HCN1: variants seen among roughly 807,000 people sequenced by gnomAD.
HCN1 encodes hyperpolarization activated cyclic nucleotide gated potassium channel 1.
Under a neutral mutation model 78.9 loss-of-function variants are expected in HCN1, and 13 were observed. The observed-to-expected ratio is 0.16, with a 90% CI of 0.11 to 0.26. The LOEUF is 0.26. Ranked by LOEUF, HCN1 falls within the 10% of genes least tolerant of loss-of-function variation. The pLI is 1.00. For missense variants in HCN1, 810 were observed against 1,154.3 expected, an observed-to-expected ratio of 0.70 and a Z score of 4.32; for synonymous variants, 552 against 455.5, an observed-to-expected ratio of 1.21 and a Z score of -2.70.
intron 5 of HCN1, among the ~76,000 whole-genome samples, chr5:45,332,110 A>G (rs116766741): frequency 0.031 from 4,741 of 151,458 alleles, 105 homozygotes; most frequent in Non-Finnish European, 0.043. Flanking sequence ...TAAAATTTCT[A>G]TTTAGCTCAG....
rs1304441838 is a variant in HCN1 at position 45,375,121 on chromosome 5, T to G, written c.1230+21371A>C. 8.2e-5 allele frequency among the ~76,000 whole-genome samples: 10 copies of G among 121,390 alleles called. No individual in the cohort carries two copies. The East Asian group carries it at 2.1e-3, about 26-fold the overall frequency. 79.6% of individuals were successfully genotyped at this position (121,390 alleles called of 152,430 possible). On this transcript the variant is annotated intron_variant, in intron 4 of 7. Transcript: ENST00000303230. The stretch of plus-strand genomic sequence containing the variant: ...TAATATTTTATAATATATAATATAT[T>G]ATATATAATATATTTTATAATATAT...
intron 2 of HCN1, among the ~76,000 whole-genome samples, chr5:45,621,302 C>T (rs1745056329): frequency 6.7e-6 from 1 of 149,072 alleles, no homozygotes; most frequent in South Asian, 2.1e-4. Flanking sequence ...TTAGGTAATT[C>T]TCATAATTGT....
chr5:45,635,135 G>A (rs1745334421), intron 2 of HCN1, among the ~76,000 whole-genome samples: 1 of 151,986 alleles, frequency 6.6e-6, no homozygotes, highest in Admixed American at 6.6e-5. Flanking sequence ...AAGAATCAGT[G>A]AATTAACTTG....
rs1220639187 is a variant in HCN1, at chr5:45,419,345, T to C, written c.1012-22635A>G. Among the ~76,000 whole-genome samples, 3 of 151,738 alleles carry C rather than the reference T, an allele frequency of 2.0e-5. No individual in the cohort carries two copies. In the East Asian group the frequency reaches 5.8e-4, roughly 29 times the overall value. On this transcript the variant is annotated intron_variant, in intron 3 of 7. Coordinates refer to ENST00000303230, the MANE Select transcript of HCN1 (RefSeq NM_021072.4). ...ATGAGACAGGCTGATACCCTCGGAG[T>C]GTGAAGAATGAGACAAAAAGAAGCA...
intron 4 of HCN1, among the ~76,000 whole-genome samples, chr5:45,391,181 A>C (rs1739554550): frequency 6.6e-6 from 1 of 152,196 alleles, no homozygotes; most frequent in Admixed American, 6.5e-5. Flanking sequence ...AAGGAAACCA[A>C]GTGAAATGCT....
At chr5:45,376,151 A>C (rs1377687670) in intron 4 of HCN1, among the ~76,000 whole-genome samples, 2 of 99,088 alleles carry the variant, frequency 2.0e-5, no homozygotes, top group African/African-American at 8.7e-5. Context: ...TATTATATAT[A>C]ATATAATATT....
chr5:45,274,691 A>G (rs1745020993), intron 6 of HCN1, among the ~76,000 whole-genome samples: 1 of 152,198 alleles, frequency 6.6e-6, no homozygotes, highest in African/African-American at 2.4e-5. Flanking sequence ...GTGATATATA[A>G]CTATCATCTT....
chr5:45,654,776 A>G (rs971689617), intron 1 of HCN1, among the ~76,000 whole-genome samples: 4 of 152,202 alleles, frequency 2.6e-5, no homozygotes, highest in Non-Finnish European at 5.9e-5. Flanking sequence ...TGAAATTATG[A>G]AAAGAAAATA....
intron 2 of HCN1, among the ~76,000 whole-genome samples, chr5:45,584,000 A>C (rs994308887): frequency 1.8e-4 from 27 of 152,282 alleles, no homozygotes; most frequent in Non-Finnish European, 3.2e-4. Context: ...AAGAATGTAT[A>C]TTCTGTTGAT....
chr5:45,326,382 T>C (rs1305831893), intron 5 of HCN1, among the ~76,000 whole-genome samples: 1 of 151,710 alleles, frequency 6.6e-6, no homozygotes, highest in Non-Finnish European at 1.5e-5. Context: ...TTCCTTTTTC[T>C]ACACTTGTAC....
chr5:45,350,421 C>T (rs578007232), intron 5 of HCN1, among the ~76,000 whole-genome samples: 1 of 152,126 alleles, frequency 6.6e-6, no homozygotes, highest in African/African-American at 2.4e-5. Flanking sequence ...CAATATCATA[C>T]TGAGTGGGCA....
chr5:45,340,126 G>T (rs2111963729), intron 5 of HCN1, among the ~76,000 whole-genome samples: 1 of 152,138 alleles, frequency 6.6e-6, no homozygotes, highest in Admixed American at 6.5e-5. Flanking sequence ...TCACTATGTT[G>T]GTCAGGCTGG....
chr5:45,342,909 AAAT>A (rs1447553680), intron 5 of HCN1, among the ~76,000 whole-genome samples: 1 of 152,192 alleles, frequency 6.6e-6, no homozygotes, highest in African/African-American at 2.4e-5. Context: ...AAATATGAAA[AAAT>A]AATAATAACA....
chr5:45,578,774 T>C (rs777287157), intron 2 of HCN1, among the ~76,000 whole-genome samples: 2 of 151,984 alleles, frequency 1.3e-5, no homozygotes, highest in Non-Finnish European at 2.9e-5. Context: ...ACAGTTAAAA[T>C]GTAATATGAC....
intron 2 of HCN1, among the ~76,000 whole-genome samples, chr5:45,622,625 T>C (rs990933847): frequency 2.0e-5 from 3 of 151,514 alleles, no homozygotes; most frequent in Admixed American, 6.6e-5. Context: ...AGGAAACAGA[T>C]TGCCAGGGAG....
intron 5 of HCN1, among the ~76,000 whole-genome samples, chr5:45,322,244 C>A (rs1390392059): frequency 6.6e-6 from 1 of 151,828 alleles, no homozygotes; most frequent in African/African-American, 2.4e-5. Context: ...GGTGGCTGTC[C>A]TAAACCCATT....
intron 1 of HCN1, among the ~76,000 whole-genome samples, chr5:45,681,225 C>A (rs1478077844): frequency 6.6e-6 from 1 of 152,114 alleles, no homozygotes; most frequent in African/African-American, 2.4e-5. Context: ...AGCGCAAAAT[C>A]AGGTCTTGCA....
chr5:45,420,730 A>C (rs1367059807), intron 3 of HCN1, among the ~76,000 whole-genome samples: 1 of 152,160 alleles, frequency 6.6e-6, no homozygotes, highest in African/African-American at 2.4e-5. Context: ...AAACACACAC[A>C]CACCATTTAC....
intron 1 of HCN1, among the ~76,000 whole-genome samples, chr5:45,688,055 AGGAT>A (rs1739841231): frequency 6.6e-6 from 1 of 152,248 alleles, no homozygotes; most frequent in African/African-American, 2.4e-5. Context: ...CAATGGGTGA[AGGAT>A]TGTGGAAGTG....
Sources: allele counts gnomAD v4.1 joint callset (sites outside exome capture counted in the v4.1 genomes callset), GRCh38; gene constraint gnomAD v4.1.1; transcripts MANE v1.5; gene names NCBI Gene and HGNC (gene_info 2026-07-23, HGNC 2026-07-21).